LRIG1: variants seen among roughly 807,000 people sequenced by gnomAD.
LRIG1 encodes leucine-rich repeats and immunoglobulin-like domains protein 1.
LRIG1 carries 48 observed loss-of-function variants against 99.2 expected under a neutral mutation model. The ratio of observed to expected loss-of-function variants is 0.48; its 90% confidence interval spans 0.38 to 0.62. The LOEUF is 0.62. Ranked by LOEUF, LRIG1 falls within the 20% of genes least tolerant of loss-of-function variation. The pLI is 0.00. For missense variants in LRIG1, 1,646 were observed against 1,434.4 expected, an observed-to-expected ratio of 1.15 and a Z score of -2.38; for synonymous variants, 772 against 596.1, an observed-to-expected ratio of 1.29 and a Z score of -4.30.
intron 2 of LRIG1, among the ~76,000 whole-genome samples, chr3:66,457,482 A>C (rs938016999): frequency 1.3e-5 from 2 of 152,188 alleles, no homozygotes; most frequent in Admixed American, 1.3e-4. Flanking sequence ...GTCAGCCTGC[A>C]AAGATTCATT....
intron 1 of LRIG1, among the ~76,000 whole-genome samples, chr3:66,475,750 C>G (rs141266239): frequency 1.6e-3 from 246 of 152,278 alleles, no homozygotes; most frequent in African/African-American, 5.7e-3. Context: ...TGCACAAACT[C>G]GTCAGGATGG....
chr3:66,401,703 G>GC (rs1702063582), intron 9 of LRIG1: 1 of 1,499,198 alleles, frequency 6.7e-7, no homozygotes, highest in Non-Finnish European at 8.9e-7. Flanking sequence ...GAAAGGAGAG[G>GC]CGGGATTATG....
At chr3:66,439,069 T>C (rs529538618) in intron 3 of LRIG1, among the ~76,000 whole-genome samples, 25 of 152,178 alleles carry the variant, frequency 1.6e-4, no homozygotes, top group African/African-American at 6.0e-4. Context: ...TAACACACAC[T>C]AGAGGAGAGG....
chr3:66,405,782 T>C, intron 8 of LRIG1: 1 of 1,183,782 alleles, frequency 8.4e-7, no homozygotes, highest in Non-Finnish European at 1.1e-6. Flanking sequence ...CCGGAGCCCA[T>C]CTCCTCCCAA....
chr3:66,382,362 A>G lies in LRIG1; in HGVS notation c.2528T>C (p.Leu843Pro), dbSNP rs150922386. 59 of 1,614,158 alleles carry G rather than the reference A, an allele frequency of 3.7e-5. No individual in the cohort carries two copies. In the African/African-American group the frequency reaches 6.9e-4, roughly 19 times the overall value. ...TVVPPDVPSYLSSQGTLSDRQ... is the reference protein window; with the variant it reads ...TVVPPDVPSYPSSQGTLSDRQ... Reference sequence around the variant, plus strand: ...GTCAGAAAGGGTCCCCTGAGAAGAGAGGTAGCTTGGAACATCTGGTGGCAC... The same window carrying G: ...GTCAGAAAGGGTCCCCTGAGAAGAGGGGTAGCTTGGAACATCTGGTGGCAC... Residue 843 changes from leucine to proline, a missense_variant, in exon 16 of 19, where the codon CTC becomes CCC. Coordinates refer to ENST00000273261, the MANE Select transcript of LRIG1 (RefSeq NM_015541.3).
At chr3:66,486,164 G>A (rs917711324) in intron 1 of LRIG1, among the ~76,000 whole-genome samples, 3 of 152,046 alleles carry the variant, frequency 2.0e-5, no homozygotes, top group African/African-American at 2.4e-5. Flanking sequence ...CTATTATTGC[G>A]ACAGTTATAA....
chr3:66,437,710 G>T (rs13096446), intron 3 of LRIG1, among the ~76,000 whole-genome samples: 26,712 of 152,104 alleles, frequency 0.18, 2,450 homozygotes, highest in Admixed American at 0.25. Context: ...TGCAGCTGCT[G>T]CAAGGAAAGA....
intron 3 of LRIG1, among the ~76,000 whole-genome samples, chr3:66,426,120 G>C (rs913650566): frequency 4.6e-5 from 7 of 152,190 alleles, no homozygotes; most frequent in Admixed American, 1.3e-4. Flanking sequence ...GGTGGGTCAA[G>C]TGGGTAATTT....
chr3:66,420,680 C>T (rs1036828015), intron 3 of LRIG1, among the ~76,000 whole-genome samples: 2 of 152,194 alleles, frequency 1.3e-5, no homozygotes, highest in East Asian at 3.8e-4. Context: ...GTGAAAGATG[C>T]CTGTCACAAA....
rs569040820 is a variant in LRIG1, at chr3:66,422,275, T to G, written c.366-5009A>C. Among the ~76,000 whole-genome samples the G allele has an allele frequency of 2.0e-5, 3 of 152,352 alleles. No individual in the cohort carries two copies. The East Asian group carries it at 5.8e-4, about 29-fold the overall frequency. ...TCTCCTCAGAAAATGGGATTTTCTT[T>G]TCTATTGCATTGTCAGGCTGCAAAT... On this transcript the variant is annotated intron_variant, in intron 3 of 18. Transcript: ENST00000273261.
intron 13 of LRIG1, 129 bp from the exon 14 acceptor site, chr3:66,384,401 A>C: frequency 2.0e-6 from 2 of 990,542 alleles, no homozygotes. Flanking sequence ...ATGTCTGCCC[A>C]GGACCACTCC....
chr3:66,433,228 C>G (rs1205001767), intron 3 of LRIG1, among the ~76,000 whole-genome samples: 1 of 152,218 alleles, frequency 6.6e-6, no homozygotes, highest in Non-Finnish European at 1.5e-5. Context: ...GGTTAAGACC[C>G]TGGTATGAAG....
chr3:66,472,417 G>A (rs538235552), intron 1 of LRIG1, among the ~76,000 whole-genome samples: 104 of 151,110 alleles, frequency 6.9e-4, no homozygotes, highest in African/African-American at 2.4e-3. Flanking sequence ...ACAGAATTGC[G>A]TAAACTTTGG....
intron 2 of LRIG1, among the ~76,000 whole-genome samples, chr3:66,455,670 T>C (rs1375345749): frequency 6.6e-6 from 1 of 152,218 alleles, no homozygotes; most frequent in Non-Finnish European, 1.5e-5. Context: ...GTTGAAACTG[T>C]AGTTGGTTTT....
At chr3:66,399,756 G>C (rs1701989480) in intron 9 of LRIG1, among the ~76,000 whole-genome samples, 1 of 152,280 alleles carries the variant, frequency 6.6e-6, no homozygotes, top group South Asian at 2.1e-4. Context: ...CAACATAGCG[G>C]GATGTTGTCT....
intron 1 of LRIG1, among the ~76,000 whole-genome samples, chr3:66,488,452 C>T (rs1331965678): frequency 6.8e-6 from 1 of 147,334 alleles, no homozygotes; most frequent in African/African-American, 2.5e-5. Flanking sequence ...CATGGTAAAA[C>T]CCTGTCTCTA....
intron 3 of LRIG1, among the ~76,000 whole-genome samples, chr3:66,420,546 G>A (rs967897216): frequency 2.0e-5 from 3 of 152,214 alleles, no homozygotes; most frequent in African/African-American, 7.2e-5. Flanking sequence ...ACAGCCAAAG[G>A]TGGAACAGCC....
chr3:66,440,478 G>A (rs1466903176), intron 3 of LRIG1, among the ~76,000 whole-genome samples: 1 of 152,176 alleles, frequency 6.6e-6, no homozygotes, highest in Non-Finnish European at 1.5e-5. Flanking sequence ...ATATACGAGG[G>A]TTTTCTGTAA....
Position 66,462,472 on chromosome 3 carries a change from C to T in LRIG1, c.256G>A (p.Ala86Thr). The T allele has an allele frequency of 6.2e-7, 1 of 1,612,840 alleles. No individual in the cohort carries two copies. The highest frequency in any genetic ancestry group is 8.5e-7 in the Non-Finnish European group (1 of 1,179,470). The stretch of plus-strand genomic sequence containing the variant: ...AGGTTCGGCAAGTCCTCAAAACCAG[C>T]AGGGTCAATCTCAGAGAGTTTGTTG... ...SYNKLSEIDP[A>T]GFEDLPNLQE... The change falls in exon 2 of 19, where the codon GCT becomes ACT. Residue 86 changes from alanine to threonine, a missense_variant. Transcript: ENST00000273261.
Sources: allele counts gnomAD v4.1 joint callset (sites outside exome capture counted in the v4.1 genomes callset), GRCh38; gene constraint gnomAD v4.1.1; transcripts MANE v1.5; gene names NCBI Gene and HGNC (gene_info 2026-07-23, HGNC 2026-07-21).